The following C16orf87 variants were observed in gnomAD, a reference collection of about 807,000 sequenced individuals.
C16orf87 encodes UPF0547 protein C16orf87.
A neutral mutation model predicts 21.0 loss-of-function variants in C16orf87; 13 were observed. The observed-to-expected ratio is 0.62, with a 90% CI of 0.40 to 0.98. The LOEUF is 0.98. Among genes scored for constraint, C16orf87 ranks in the 50% least tolerant of loss-of-function variants. The pLI is 0.00. For synonymous variants in C16orf87, 49 were observed against 60.2 expected (o/e 0.81, Z 0.86); for missense variants, 113 against 180.4 (o/e 0.63, Z 2.14).
chr16:46,816,816 A>G (rs1349882653), intron 2 of C16orf87, among the ~76,000 whole-genome samples: 1 of 152,066 alleles, frequency 6.6e-6, no homozygotes, highest in Non-Finnish European at 1.5e-5. Context: ...AGGTTTCCAG[A>G]AAGATTTTTT....
intron 1 of C16orf87, among the ~76,000 whole-genome samples, chr16:46,825,994 C>T (rs1959604750): frequency 1.3e-5 from 2 of 150,674 alleles, no homozygotes; most frequent in South Asian, 4.2e-4. Flanking sequence ...TTCTTTCTAA[C>T]AACAACCAGT....
rs1297794474 is a variant in C16orf87 at position 46,797,366 on chromosome 16, GAC to G, written c.*5584_*5585del. On this transcript the variant is annotated 3_prime_UTR_variant, in exon 4 of 4. Transcript: ENST00000285697. The stretch of plus-strand genomic sequence containing the variant: ...CTTATTTTTTATTTTTATTTTTTGA[GAC>G]ACAGTGTCTAGCTCTGTCACTCAGG... 1 of 152,082 alleles carries G rather than the reference GAC, an allele frequency of 6.6e-6. No homozygotes were observed. Among genetic ancestry groups the G allele is most frequent in the Non-Finnish European group, 1.5e-5 (1 of 68,010 alleles). 9.4% of individuals were successfully genotyped at this position (152,082 alleles called of 1,614,324 possible).
rs779793051 is a variant in C16orf87 at position 46,824,406 on chromosome 16, T to C, written c.143A>G (p.Glu48Gly). 1 of 1,530,450 alleles carries C rather than the reference T, an allele frequency of 6.5e-7. No homozygotes were observed. The highest frequency in any genetic ancestry group is 9.0e-7 in the Non-Finnish European group (1 of 1,111,802). The allele number at this position is 1,530,450 out of a possible 1,614,324, so 94.8% of individuals were successfully genotyped here. A position where few individuals can be genotyped will look rare whatever the true frequency, so the allele number is the denominator to read the frequency against. ...GTTACCTGTAGAAGGTGGTGATTTC[T>C]CTGAGTGTTTTGCATTTAAAAGTTT... Reference protein sequence around the residue: ...SRKLLNAKHSEKSPPSTENKH... With the variant: ...SRKLLNAKHSGKSPPSTENKH... Residue 48 changes from glutamate to glycine, a missense_variant, in exon 2 of 4, where the codon GAG (glutamate) becomes GGG (glycine). Transcript: ENST00000285697.
Position 46,801,094 on chromosome 16 carries a change from T to G in C16orf87, c.*1858A>C, listed in dbSNP as rs1185911958. The G allele has an allele frequency of 1.3e-5, 2 of 152,242 alleles. No individual in the cohort carries two copies. Among genetic ancestry groups the G allele is most frequent in the African/African-American group, 4.8e-5 (2 of 41,468 alleles). 9.4% of individuals were successfully genotyped at this position (152,242 alleles called of 1,614,324 possible). A position where few individuals can be genotyped will look rare whatever the true frequency, so the allele number is the denominator to read the frequency against. On this transcript the variant is annotated 3_prime_UTR_variant, in exon 4 of 4. Coordinates refer to ENST00000285697, the MANE Select transcript of C16orf87 (RefSeq NM_001001436.4). ...TGCTTTTTCTGAGGACATATATATG[T>G]ATACAAGCATTTTTAGATATTAATC...
chr16:46,803,929 G>A (rs1967847282), intron 3 of C16orf87, among the ~76,000 whole-genome samples: 1 of 152,004 alleles, frequency 6.6e-6, no homozygotes. Context: ...ACACTGTTTT[G>A]CATCTCTTGC....
intron 1 of C16orf87, among the ~76,000 whole-genome samples, chr16:46,825,320 C>G (rs186395741): frequency 2.0e-5 from 3 of 152,222 alleles, no homozygotes; most frequent in Admixed American, 2.0e-4. Flanking sequence ...AAACTGATGA[C>G]TGGTGATAAA....
chr16:46,829,928 TA>T (rs527744708), intron 1 of C16orf87, among the ~76,000 whole-genome samples: 1,115 of 84,178 alleles, frequency 0.013, 6 homozygotes, highest in African/African-American at 0.029. Context: ...ACTCTTGATT[TA>T]AAAAAAAAAA....
At chr16:46,805,152 T>A (rs972606256) in intron 3 of C16orf87, among the ~76,000 whole-genome samples, 4 of 152,074 alleles carry the variant, frequency 2.6e-5, no homozygotes, top group African/African-American at 9.7e-5. Flanking sequence ...GTTGGAAAAA[T>A]TTTCTTGAAT....
intron 1 of C16orf87, among the ~76,000 whole-genome samples, chr16:46,827,929 T>C (rs1405998770): frequency 6.6e-6 from 1 of 150,444 alleles, no homozygotes; most frequent in East Asian, 2.0e-4. Flanking sequence ...CCTATAGTGT[T>C]TCACTGATTT....
chr16:46,823,777 C>T (rs182047171), intron 2 of C16orf87, among the ~76,000 whole-genome samples: 66 of 152,254 alleles, frequency 4.3e-4, no homozygotes, highest in Admixed American at 4.1e-3. Context: ...AAGGAATGAA[C>T]TCTTATTGGT....
intron 2 of C16orf87, among the ~76,000 whole-genome samples, chr16:46,817,563 C>T (rs543755136): frequency 6.6e-6 from 1 of 152,028 alleles, no homozygotes; most frequent in Non-Finnish European, 1.5e-5. Context: ...TGGCACACAC[C>T]TGTAATCCCA....
chr16:46,823,718 G>A (rs1443172159), intron 2 of C16orf87, among the ~76,000 whole-genome samples: 1 of 151,768 alleles, frequency 6.6e-6, no homozygotes, highest in African/African-American at 2.4e-5. Flanking sequence ...CCATCAACAG[G>A]AGAATGGATA....
chr16:46,819,333 G>A (rs956904171), intron 2 of C16orf87, among the ~76,000 whole-genome samples: 3 of 151,882 alleles, frequency 2.0e-5, no homozygotes, highest in Non-Finnish European at 2.9e-5. Context: ...TGAACTGCTC[G>A]CCTTGGCCTC....
intron 1 of C16orf87, among the ~76,000 whole-genome samples, chr16:46,830,307 A>AGAGAGTGT (rs758468161): frequency 2.7e-4 from 29 of 109,240 alleles, no homozygotes; most frequent in Non-Finnish European, 4.1e-4. Flanking sequence ...AGAGAGAGAG[A>AGAGAGTGT]GACACACAGA....
intron 2 of C16orf87, among the ~76,000 whole-genome samples, chr16:46,811,267 G>A (rs911415003): frequency 5.3e-5 from 8 of 152,134 alleles, no homozygotes; most frequent in African/African-American, 1.9e-4. Context: ...ACTTTGGGTA[G>A]CCAAGGCGGG....
chr16:46,818,722 C>T (rs1567313842), intron 2 of C16orf87, among the ~76,000 whole-genome samples: 1 of 152,098 alleles, frequency 6.6e-6, no homozygotes, highest in Non-Finnish European at 1.5e-5. Context: ...TAGAGTCTCA[C>T]TCTGTCACTC....
At position 46,796,648 on chromosome 16, in the gene C16orf87, A is replaced by C. The variant is rs1298978983; in HGVS notation, c.*6304T>G. 6.6e-6 allele frequency: 1 copy of C among 152,238 alleles called. No homozygotes were observed. The highest frequency in any genetic ancestry group is 1.5e-5 in the Non-Finnish European group (1 of 68,040). The allele number at this position is 152,238 out of a possible 1,614,324, so 9.4% of individuals were successfully genotyped here. ...ACTTTAGACATCCTACAATGTGAAC[A>C]TACATATTGAAACATCATGCTGCAT... On this transcript the variant is annotated 3_prime_UTR_variant, in exon 4 of 4. Transcript: ENST00000285697.
intron 2 of C16orf87, among the ~76,000 whole-genome samples, chr16:46,811,190 GC>G (rs1968072415): frequency 6.6e-6 from 1 of 152,104 alleles, no homozygotes; most frequent in African/African-American, 2.4e-5. Context: ...CTAAACATCA[GC>G]AGGTACTAAC....
intron 1 of C16orf87, among the ~76,000 whole-genome samples, chr16:46,827,578 T>C (rs2143176103): frequency 6.6e-6 from 1 of 152,280 alleles, no homozygotes; most frequent in South Asian, 2.1e-4. Flanking sequence ...ATTTTTTATT[T>C]ATTTATTTAT....
Sources: allele counts gnomAD v4.1 joint callset (sites outside exome capture counted in the v4.1 genomes callset), GRCh38; gene constraint gnomAD v4.1.1; transcripts MANE v1.5; gene names NCBI Gene and HGNC (gene_info 2026-07-23, HGNC 2026-07-21).